The following PCDH9 variants were observed in gnomAD, a reference collection of about 807,000 sequenced individuals.
The protein encoded by PCDH9 is protocadherin 9, also known as protocadherin-9.
Under a neutral mutation model 70.6 loss-of-function variants are expected in PCDH9, and 24 were observed. The ratio of observed to expected loss-of-function variants is 0.34; its 90% CI spans 0.25 to 0.48. The LOEUF is 0.48. Among genes scored for constraint, PCDH9 ranks in the 20% least tolerant of loss-of-function variants. PCDH9 has a pLI of 0.99. For synonymous variants in PCDH9, 562 were observed against 558.5 expected, an observed-to-expected ratio of 1.01 and a Z score of -0.09; for missense variants, 1,281 against 1,503.6, an observed-to-expected ratio of 0.85 and a Z score of 2.45.
rs17081627 is a variant in PCDH9 at position 66,667,046 on chromosome 13, T to C, written c.3139-35635A>G. On this transcript the variant is annotated intron_variant, in intron 3 of 4. Transcript: ENST00000377865. ...GAAATAATTTTTTAGGGACATCAAA[T>C]TTTAGAACTTGTAGGGTCACTGTCA... Among the ~76,000 whole-genome samples, 76 of 152,262 alleles carry C rather than the reference T, an allele frequency of 5.0e-4. 1 individual carries two copies. The East Asian group carries it at 0.012, about 25-fold the overall frequency.
intron 3 of PCDH9, among the ~76,000 whole-genome samples, chr13:66,800,245 C>T (rs1266091389): frequency 1.3e-5 from 2 of 152,072 alleles, no homozygotes; most frequent in African/African-American, 2.4e-5. Context: ...ACCCCCAGCC[C>T]GGGATCTATT....
rs1958515428 is a variant in PCDH9, at chr13:66,466,464, C to T, written c.3341-161436G>A. 3.3e-5 allele frequency among the ~76,000 whole-genome samples: 5 copies of T among 152,174 alleles called. No homozygotes were observed. The South Asian group carries it at 1.0e-3, about 32-fold the overall frequency. ...GATACTTTTAAGTCTTAAATTCCCT[C>T]ATCTTCCAACTATTTGTTGCATCTC... On this transcript the variant is annotated intron_variant, in intron 4 of 4. Transcript: ENST00000377865.
chr13:66,918,648 G>A (rs372711423), intron 2 of PCDH9, among the ~76,000 whole-genome samples: 12 of 151,044 alleles, frequency 7.9e-5, no homozygotes, highest in African/African-American at 2.7e-4. Flanking sequence ...GAGAAGTAGA[G>A]TATGTACTCA....
intron 4 of PCDH9, among the ~76,000 whole-genome samples, chr13:66,521,008 T>C (rs1033308593): frequency 6.6e-6 from 1 of 152,116 alleles, no homozygotes; most frequent in Non-Finnish European, 1.5e-5. Flanking sequence ...TATTAAACAC[T>C]GAATGAAAGA....
At chr13:66,913,842 ATG>A (rs1408440932) in intron 2 of PCDH9, among the ~76,000 whole-genome samples, 2 of 152,016 alleles carry the variant, frequency 1.3e-5, no homozygotes, top group Non-Finnish European at 2.9e-5. Flanking sequence ...CTCTGAAAAT[ATG>A]TGTTACTCTA....
chr13:66,393,873 G>A (rs1168898310), intron 4 of PCDH9, among the ~76,000 whole-genome samples: 1 of 152,120 alleles, frequency 6.6e-6, no homozygotes, highest in Non-Finnish European at 1.5e-5. Context: ...GGACAGTTAG[G>A]AAATATTTAT....
rs796588200 is a variant in PCDH9 at position 66,607,137 on chromosome 13, A to C, written c.3340+24073T>G. Among the ~76,000 whole-genome samples, 76 of 152,238 alleles carry C rather than the reference A, an allele frequency of 5.0e-4. 1 individual carries two copies. The highest frequency in any genetic ancestry group is 1.8e-3 in the African/African-American group (74 of 41,568). The stretch of plus-strand genomic sequence containing the variant: ...TAAGATTAAAAATAAAACATTAGCT[A>C]AGGCAGTGACTTGTGAAGGCTGTTA... On this transcript the variant is annotated intron_variant, in intron 4 of 4. Transcript: ENST00000377865.
chr13:66,335,806 T>G (rs2138130977), intron 4 of PCDH9, among the ~76,000 whole-genome samples: 1 of 152,238 alleles, frequency 6.6e-6, no homozygotes, highest in East Asian at 1.9e-4. Flanking sequence ...AACTTGACTA[T>G]TTTCTTCATA....
At chr13:66,633,660 G>A (rs2077600857) in intron 3 of PCDH9, among the ~76,000 whole-genome samples, 1 of 152,086 alleles carries the variant, frequency 6.6e-6, no homozygotes, top group East Asian at 1.9e-4. Flanking sequence ...ACTCTGGTGA[G>A]TAAAAAGAAG....
intron 4 of PCDH9, among the ~76,000 whole-genome samples, chr13:66,316,952 A>T (rs1955664157): frequency 6.6e-6 from 1 of 151,996 alleles, no homozygotes. Flanking sequence ...TGACCTCCTG[A>T]TCTCAACTGA....
At chr13:66,733,394 C>A (rs556031990) in intron 3 of PCDH9, among the ~76,000 whole-genome samples, 1 of 152,090 alleles carries the variant, frequency 6.6e-6, no homozygotes, top group South Asian at 2.1e-4. Flanking sequence ...ATTTAGATCA[C>A]CTTCCTCCAC....
chr13:66,519,428 G>C (rs997656066), intron 4 of PCDH9, among the ~76,000 whole-genome samples: 6 of 152,186 alleles, frequency 3.9e-5, no homozygotes, highest in African/African-American at 1.4e-4. Flanking sequence ...ACCATCAACG[G>C]AAGAGGCAGA....
chr13:66,367,270 G>A (rs989577799), intron 4 of PCDH9, among the ~76,000 whole-genome samples: 1 of 151,932 alleles, frequency 6.6e-6, no homozygotes, highest in Non-Finnish European at 1.5e-5. Flanking sequence ...TAACTAATAG[G>A]GAGAGTCATT....
intron 4 of PCDH9, among the ~76,000 whole-genome samples, chr13:66,428,641 A>G (rs1180918313): frequency 1.3e-5 from 2 of 151,768 alleles, no homozygotes; most frequent in Admixed American, 6.6e-5. Context: ...TAAAGCTTCT[A>G]TAAGGATTGT....
chr13:67,137,816 T>C (rs1187777239), intron 2 of PCDH9, among the ~76,000 whole-genome samples: 1 of 152,162 alleles, frequency 6.6e-6, no homozygotes, highest in Non-Finnish European at 1.5e-5. Context: ...TTTGATTTGC[T>C]TTGTCCATAA....
At chr13:67,186,282 C>G (rs1230327932) in intron 2 of PCDH9, among the ~76,000 whole-genome samples, 2 of 151,902 alleles carry the variant, frequency 1.3e-5, no homozygotes, top group Non-Finnish European at 2.9e-5. Flanking sequence ...TTGAGTGATT[C>G]TAAAGTTGAA....
chr13:66,305,068 GT>G, intron 4 of PCDH9, 40 bp from the exon 5 acceptor site: 2 of 1,518,788 alleles, frequency 1.3e-6, no homozygotes, highest in Non-Finnish European at 1.8e-6. Flanking sequence ...AAAGGAAGTG[GT>G]TAAAATTTTC....
At chr13:66,865,734 G>A (rs1170195537) in intron 3 of PCDH9, among the ~76,000 whole-genome samples, 1 of 152,202 alleles carries the variant, frequency 6.6e-6, no homozygotes, top group African/African-American at 2.4e-5. Context: ...TCATTCCAGT[G>A]TGGTAGAGAT....
rs1279507575 is a variant in PCDH9 at position 67,022,710 on chromosome 13, TC to T, written c.3037-119106del. Among the ~76,000 whole-genome samples the T allele has an allele frequency of 2.6e-5, 4 of 152,184 alleles. No homozygotes were observed. The South Asian group carries it at 8.3e-4, about 31-fold the overall frequency. ...AATAAAGATGAATCTTTCTAGCCGT[TC>T]AACACCCTCACCTATTTTAAAAACA... On this transcript the variant is annotated intron_variant, in intron 2 of 4. Transcript: ENST00000377865.
Sources: gnomAD v4.1 joint callset for allele counts (sites outside exome capture counted in the v4.1 genomes callset) on GRCh38, gnomAD v4.1.1 for gene constraint, MANE v1.5 for transcripts, NCBI Gene and HGNC (gene_info 2026-07-23, HGNC 2026-07-21) for gene names.